The following SH3BP4 variants were observed in gnomAD, a reference collection of about 807,000 sequenced individuals.
SH3BP4 encodes SH3 domain binding protein 4, also known as SH3 domain-binding protein 4.
A neutral mutation model predicts 65.5 loss-of-function variants in SH3BP4; 33 were observed. That is an observed-to-expected ratio of 0.50 (90% CI 0.38 to 0.67). SH3BP4 has a LOEUF of 0.67. Among genes scored for constraint, SH3BP4 ranks in the 30% least tolerant of loss-of-function variants. SH3BP4 has a pLI of 0.00. For synonymous variants in SH3BP4, 552 were observed against 545.5 expected (o/e 1.01, Z -0.17); for missense variants, 1,134 against 1,261.4 (o/e 0.90, Z 1.53).
rs751417907 is a variant in SH3BP4, at chr2:235,052,503, G to C, written c.2479-59G>C. 1.5e-6 allele frequency: 2 copies of C among 1,372,284 alleles called. No individual in the cohort carries two copies. Among genetic ancestry groups the C allele is most frequent in the Non-Finnish European group, 2.0e-6 (2 of 1,025,378 alleles). The allele number at this position is 1,372,284 out of a possible 1,614,324, so 85.0% of individuals were successfully genotyped here. ...TGCGCCGTCTGCTGGAATTCTGCGG[G>C]GAGCAGAGCCTGCCCCACTCCCTAC... On this transcript the variant is annotated intron_variant, in intron 4 of 5. Coordinates refer to ENST00000392011, the MANE Select transcript of SH3BP4 (RefSeq NM_014521.3). The surrounding 1 kb of genome is among the most constrained non-coding windows in gnomAD (Gnocchi z 5.0).
chr2:235,039,860 A>T (rs957399655), intron 3 of SH3BP4, among the ~76,000 whole-genome samples: 1 of 152,244 alleles, frequency 6.6e-6, no homozygotes, highest in South Asian at 2.1e-4. Flanking sequence ...CAATGATAGT[A>T]TGAGCTATGA....
At position 235,052,309 on chromosome 2, in the gene SH3BP4, C is replaced by T. The variant is rs1366770130; in HGVS notation, c.2479-253C>T. Among the ~76,000 whole-genome samples the T allele has an allele frequency of 6.6e-6, 1 of 152,106 alleles. No homozygotes were observed. Among genetic ancestry groups the T allele is most frequent in the African/African-American group, 2.4e-5 (1 of 41,418 alleles). ...CAAAGACCCCATTTTCAAGTAAGGT[C>T]ACGTTCTGAGGTTCTGGGTGGATGT... On this transcript the variant is annotated intron_variant, in intron 4 of 5. Coordinates refer to ENST00000392011, the MANE Select transcript of SH3BP4 (RefSeq NM_014521.3). This position sits in a 1 kb window ranked among gnomAD's most constrained non-coding sequence, Gnocchi z 5.0.
At chr2:235,036,850 A>G (rs992156743) in intron 3 of SH3BP4, among the ~76,000 whole-genome samples, 2 of 152,066 alleles carry the variant, frequency 1.3e-5, no homozygotes, top group South Asian at 2.1e-4. Flanking sequence ...GAACGTGAGG[A>G]GGAGGACAGC....
chr2:235,009,117 A>G (rs1694393934), intron 2 of SH3BP4, among the ~76,000 whole-genome samples: 1 of 152,262 alleles, frequency 6.6e-6, no homozygotes, highest in South Asian at 2.1e-4. Flanking sequence ...TGAAATAGAG[A>G]TGGTTCCGGG....
chr2:234,984,673 A>G (rs933522420), intron 1 of SH3BP4, among the ~76,000 whole-genome samples: 13 of 152,198 alleles, frequency 8.5e-5, no homozygotes, highest in Non-Finnish European at 1.2e-4. Flanking sequence ...GCTCAGGACC[A>G]GAACCGACCG....
intron 4 of SH3BP4, among the ~76,000 whole-genome samples, chr2:235,051,375 A>G (rs1696048381): frequency 6.6e-6 from 1 of 152,034 alleles, no homozygotes; most frequent in Non-Finnish European, 1.5e-5. Flanking sequence ...CCCCAGATAT[A>G]TTAGCCATAT....
chr2:235,028,408 T>TAAAC (rs1695071319), intron 2 of SH3BP4, among the ~76,000 whole-genome samples: 4 of 152,234 alleles, frequency 2.6e-5, no homozygotes, highest in Non-Finnish European at 5.9e-5. Flanking sequence ...GTTTTGAGAA[T>TAAAC]GTGTGGCTTA....
chr2:235,044,475 T>C (rs1695779794), intron 4 of SH3BP4, among the ~76,000 whole-genome samples: 1 of 152,224 alleles, frequency 6.6e-6, no homozygotes, highest in Admixed American at 6.5e-5. Context: ...GACTTCTCCC[T>C]GTGATAGAAC....
chr2:234,991,663 TGAAAGATC>T lies in SH3BP4; in HGVS notation c.-206-3638_-206-3631del, dbSNP rs1227268044. Among the ~76,000 whole-genome samples, 1 of 152,218 alleles carries T rather than the reference TGAAAGATC, an allele frequency of 6.6e-6. No homozygotes were observed. On this transcript the variant is annotated intron_variant, in intron 1 of 5. Transcript: ENST00000392011. The surrounding 1 kb of genome is among the most constrained non-coding windows in gnomAD (Gnocchi z 4.2). Reference sequence around the variant, plus strand: ...TGCCCACAGGAGAACAGTGCTTGACTGAAAGATCGTACCCCCCTCTTCTCAGCAAGGCG... The same window carrying T: ...TGCCCACAGGAGAACAGTGCTTGACTGTACCCCCCTCTTCTCAGCAAGGCG...
rs1483723230 is a variant in SH3BP4, at chr2:234,991,047, C to T, written c.-206-4256C>T. Among the ~76,000 whole-genome samples, 1 of 152,150 alleles carries T rather than the reference C, an allele frequency of 6.6e-6. No homozygotes were observed. Among genetic ancestry groups the T allele is most frequent in the African/African-American group, 2.4e-5 (1 of 41,424 alleles). ...TAATCTCACTTTAGCTTGATTGCAC[C>T]TTGAACACTCTGTCTCCAAATAAGG... On this transcript the variant is annotated intron_variant, in intron 1 of 5. Coordinates refer to ENST00000392011, the MANE Select transcript of SH3BP4 (RefSeq NM_014521.3). The surrounding 1 kb of genome is among the most constrained non-coding windows in gnomAD (Gnocchi z 4.2).
At chr2:234,963,147 G>C (rs1006313475) in intron 1 of SH3BP4, among the ~76,000 whole-genome samples, 2 of 152,188 alleles carry the variant, frequency 1.3e-5, no homozygotes, top group Non-Finnish European at 2.9e-5. Context: ...TGTCAGGTTT[G>C]TATAGGTACA....
rs1226316683 is a variant in SH3BP4, at chr2:235,042,291, G to A, written c.1522G>A (p.Glu508Lys). 66 of 1,614,008 alleles carry A rather than the reference G, an allele frequency of 4.1e-5. No homozygotes were observed. The highest frequency in any genetic ancestry group is 5.3e-5 in the Non-Finnish European group (63 of 1,180,034). ...TGCCCCAAAGACGCTCCTGGTCAGC[G>A]AGGTCACACGCCAGGCACCCAACCC... ...DCAPKTLLVSEVTRQAPNPAP... is the reference protein window; with the variant it reads ...DCAPKTLLVSKVTRQAPNPAP... Residue 508 changes from glutamate (E) to lysine (K), a missense_variant, in exon 4 of 6, where the codon GAG becomes AAG. Coordinates refer to ENST00000392011, the MANE Select transcript of SH3BP4 (RefSeq NM_014521.3). The surrounding 1 kb of genome is among the most constrained non-coding windows in gnomAD (Gnocchi z 7.3).
Position 235,002,736 on chromosome 2 carries a change from CAAGT to C in SH3BP4, c.-133+7363_-133+7366del, listed in dbSNP as rs1323329575. 2.6e-5 allele frequency among the ~76,000 whole-genome samples: 4 copies of C among 152,162 alleles called. No individual in the cohort carries two copies. In the East Asian group the frequency reaches 7.7e-4, roughly 29 times the overall value. Reference sequence around the variant, plus strand: ...GCGAGACCCTGTCTCAAAAACAAAACAAGTAAAACAAAAAGGGTCAGGCATTTGG... The same window carrying C: ...GCGAGACCCTGTCTCAAAAACAAAACAAAACAAAAAGGGTCAGGCATTTGG... On this transcript the variant is annotated intron_variant, in intron 2 of 5. Coordinates refer to ENST00000392011, the MANE Select transcript of SH3BP4 (RefSeq NM_014521.3).
At chr2:235,006,405 A>G (rs966062082) in intron 2 of SH3BP4, among the ~76,000 whole-genome samples, 3 of 152,092 alleles carry the variant, frequency 2.0e-5, no homozygotes, top group Admixed American at 6.5e-5. Context: ...TTTTTAGGAA[A>G]CGAAGCATAG....
chr2:235,041,011 A>G lies in SH3BP4; in HGVS notation c.242A>G (p.His81Arg), dbSNP rs1435391076. The G allele has an allele frequency of 1.4e-5, 23 of 1,614,194 alleles. No individual in the cohort carries two copies. The highest frequency in any genetic ancestry group is 2.5e-6 in the Non-Finnish European group (3 of 1,180,038). ...ACACTGAAGTTCTCCAAGGGCGACC[A>G]TCTCTACGTCTTGGACACATCTGGC... ...FTTLKFSKGDHLYVLDTSGGE... is the reference protein window; with the variant it reads ...FTTLKFSKGDRLYVLDTSGGE... The change falls in exon 4 of 6, where the codon CAT (histidine) becomes CGT (arginine). Residue 81 changes from histidine (H) to arginine (R), a missense_variant. Physicochemically the swap from His to Arg is conservative, Grantham distance 29. Coordinates refer to ENST00000392011, the MANE Select transcript of SH3BP4 (RefSeq NM_014521.3). This position sits in a 1 kb window ranked among gnomAD's most constrained non-coding sequence, Gnocchi z 6.0.
intron 2 of SH3BP4, among the ~76,000 whole-genome samples, chr2:235,018,062 G>A (rs1291942116): frequency 5.9e-5 from 9 of 152,158 alleles, no homozygotes; most frequent in Non-Finnish European, 1.2e-4. Flanking sequence ...GGGGGCAGAC[G>A]AGAGCTTACA....
intron 4 of SH3BP4, among the ~76,000 whole-genome samples, chr2:235,050,307 C>T (rs1696008055): frequency 6.6e-6 from 1 of 151,996 alleles, no homozygotes. Flanking sequence ...TTAGTAGAGA[C>T]AGGGTTTCAC....
In SH3BP4 at chr2:234,972,292, C is replaced by T. The variant is rs184478891; in HGVS notation, c.-207+20122C>T. On this transcript the variant is annotated intron_variant, in intron 1 of 5. Transcript: ENST00000392011. The stretch of plus-strand genomic sequence containing the variant: ...GATTATAGGCACGCACCACCATGCC[C>T]GGCTAATTTTTGTATTTTTTTAGTA... Among the ~76,000 whole-genome samples, 1,014 of 151,950 alleles carry T rather than the reference C, an allele frequency of 6.7e-3. 14 individuals carry two copies. The highest frequency in any genetic ancestry group is 0.023 in the African/African-American group (951 of 41,428).
At position 234,974,396 on chromosome 2, in the gene SH3BP4, A is replaced by G. The variant is rs957456388; in HGVS notation, c.-206-20907A>G. Among the ~76,000 whole-genome samples, 1 of 152,048 alleles carries G rather than the reference A, an allele frequency of 6.6e-6. No homozygotes were observed. The highest frequency in any genetic ancestry group is 2.4e-5 in the African/African-American group (1 of 41,400). On this transcript the variant is annotated intron_variant, in intron 1 of 5. Transcript: ENST00000392011. This position sits in a 1 kb window ranked among gnomAD's most constrained non-coding sequence, Gnocchi z 4.6. ...ATAAATAAATAAAAGAGAAAGAGAGATTTGTGAAGGTCATGAGTTCCAGCC... is the reference window on the plus strand; with the variant it reads ...ATAAATAAATAAAAGAGAAAGAGAGGTTTGTGAAGGTCATGAGTTCCAGCC...
Sources: gnomAD v4.1 joint callset for allele counts (sites outside exome capture counted in the v4.1 genomes callset) on GRCh38, gnomAD v4.1.1 for gene constraint, Gnocchi (gnomAD v3.1) non-coding constraint, MANE v1.5 for transcripts, NCBI Gene and HGNC (gene_info 2026-07-23, HGNC 2026-07-21) for gene names.